ACSS1: variants seen among roughly 807,000 people sequenced by gnomAD.
ACSS1 encodes the protein acyl-CoA synthetase short chain family member 1.
ACSS1 carries 42 observed loss-of-function variants against 75.3 expected under a neutral mutation model. That is an observed-to-expected ratio of 0.56 (90% CI 0.44 to 0.72). ACSS1 has a LOEUF of 0.72. ACSS1 is among the 30% of genes least tolerant of loss of function. The pLI is 0.00. For synonymous variants in ACSS1, 380 were observed against 376.8 expected (o/e 1.01, Z -0.10); for missense variants, 782 against 935.7 (o/e 0.84, Z 2.14).
At chr20:25,049,933 T>G (rs2089153346) in intron 1 of ACSS1, among the ~76,000 whole-genome samples, 2 of 151,642 alleles carry the variant, frequency 1.3e-5, no homozygotes, top group Admixed American at 1.3e-4. Flanking sequence ...GCTTTGCCGG[T>G]AGTGGGGGAA....
At chr20:25,037,446 G>A (rs868297755) in intron 2 of ACSS1, among the ~76,000 whole-genome samples, 3 of 152,158 alleles carry the variant, frequency 2.0e-5, no homozygotes, top group Non-Finnish European at 1.5e-5. Context: ...CTACAGAAAC[G>A]TTTCATTTTC....
chr20:25,046,886 A>G, intron 2 of ACSS1: 1 of 779,632 alleles, frequency 1.3e-6, no homozygotes, highest in Admixed American at 1.7e-5. Flanking sequence ...GAGATAAGAA[A>G]TGCGTGCTGT....
intron 2 of ACSS1, among the ~76,000 whole-genome samples, chr20:25,031,813 G>A (rs941381526): frequency 2.6e-5 from 4 of 152,138 alleles, no homozygotes; most frequent in South Asian, 2.1e-4. Context: ...CAAAACTTCC[G>A]AAAATGTTTG....
rs745847020 is a variant in ACSS1, at chr20:25,046,823, G to A, written c.431+1262C>T. 38 of 779,650 alleles carry A rather than the reference G, an allele frequency of 4.9e-5. 1 individual carries two copies. The highest frequency in any genetic ancestry group is 7.9e-5 in the Non-Finnish European group (33 of 417,988). 48.3% of individuals were successfully genotyped at this position (779,650 alleles called of 1,614,324 possible). On this transcript the variant is annotated intron_variant, in intron 2 of 13. Coordinates refer to ENST00000323482, the MANE Select transcript of ACSS1 (RefSeq NM_032501.4). The stretch of plus-strand genomic sequence containing the variant: ...GTCCAGTGGGGCCCGAGGATCCAGG[G>A]CAGAAGAATGCTGCTGGCCTATGGG...
At chr20:25,052,464 AT>A (rs2089188361) in intron 1 of ACSS1, among the ~76,000 whole-genome samples, 1 of 152,222 alleles carries the variant, frequency 6.6e-6, no homozygotes, top group South Asian at 2.1e-4. Flanking sequence ...GGTGGTCCCC[AT>A]TACAGGGCAC....
intron 7 of ACSS1, 110 bp downstream of exon 7, chr20:25,019,900 C>T: frequency 1.3e-6 from 2 of 1,496,666 alleles, no homozygotes; most frequent in Non-Finnish European, 9.0e-7. Flanking sequence ...TGCGTGAATT[C>T]ACACATACAA....
At position 25,034,499 on chromosome 20, in the gene ACSS1, C is replaced by A. The variant is rs374464696; in HGVS notation, c.432-3541G>T. On this transcript the variant is annotated intron_variant, in intron 2 of 13. Transcript: ENST00000323482. ...AGACACCCCCAGACTTCCAAATGGA[C>A]CCCCACATTCTCATGGTGCCTGCCC... 2.8e-4 allele frequency among the ~76,000 whole-genome samples: 42 copies of A among 152,262 alleles called. No homozygotes were observed. The East Asian group carries it at 7.0e-3, about 25-fold the overall frequency.
intron 11 of ACSS1, 45 bp downstream of exon 11, chr20:25,012,767 T>C (rs753757165): frequency 1.2e-6 from 2 of 1,613,152 alleles, no homozygotes; most frequent in Non-Finnish European, 1.7e-6. Context: ...CACAGGGGCA[T>C]CATGGAGGTG....
rs55775763 is a variant in ACSS1, at chr20:25,031,241, G to A, written c.432-283C>T. ...AGGGTTTTTTTAGGGGAACAGGAGCGTAGGGGAGCCATGGTGACACCATTT... is the reference window on the plus strand; with the variant it reads ...AGGGTTTTTTTAGGGGAACAGGAGCATAGGGGAGCCATGGTGACACCATTT... On this transcript the variant is annotated intron_variant, in intron 2 of 13. Transcript: ENST00000323482. 2.7e-3 allele frequency: 1,285 copies of A among 482,576 alleles called. 2 individuals carry two copies. Among genetic ancestry groups the A allele is most frequent in the Non-Finnish European group, 3.7e-3 (975 of 263,880 alleles). The allele number at this position is 482,576 out of a possible 1,614,324, so 29.9% of individuals were successfully genotyped here.
intron 2 of ACSS1, chr20:25,032,596 C>T: frequency 8.1e-7 from 1 of 1,236,882 alleles, no homozygotes; most frequent in Non-Finnish European, 1.0e-6. Context: ...CAGCCCGCGA[C>T]CCCTGCCCTC....
intron 1 of ACSS1, among the ~76,000 whole-genome samples, chr20:25,053,230 A>ATTTT (rs376414199): frequency 3.7e-5 from 5 of 133,432 alleles, no homozygotes. Flanking sequence ...CGCTCGGCTA[A>ATTTT]TTTTTTTTTT....
At chr20:25,028,590 A>G (rs1410444291) in intron 3 of ACSS1, among the ~76,000 whole-genome samples, 1 of 152,232 alleles carries the variant, frequency 6.6e-6, no homozygotes, top group Admixed American at 6.5e-5. Flanking sequence ...CTGGACCCTT[A>G]CCTCACACCC....
At chr20:25,039,575 T>C (rs2088969695) in intron 2 of ACSS1, among the ~76,000 whole-genome samples, 1 of 152,192 alleles carries the variant, frequency 6.6e-6, no homozygotes, top group East Asian at 1.9e-4. Flanking sequence ...GGGTGTGGAA[T>C]GGCGTTTTCC....
Position 25,015,176 on chromosome 20 carries a change from TC to T in ACSS1, c.1300del (p.Asp434ThrfsTer37). The T allele has an allele frequency of 6.2e-7, 1 of 1,613,038 alleles. No homozygotes were observed. Among genetic ancestry groups the T allele is most frequent in the Non-Finnish European group, 8.5e-7 (1 of 1,179,314 alleles). ...GGTGTCCACCAGCGTGCACCTGCTGTCCCCCACCACCCTGTGAAGCCACTCC... is the reference window on the plus strand; with the variant it reads ...GGTGTCCACCAGCGTGCACCTGCTGTCCCCACCACCCTGTGAAGCCACTCC... Reference protein sequence around the residue: ...AWEWLHRVVGDSRCTLVDTWW... With the variant: ...AWEWLHRVVGXSRCTLVDTWW... On this transcript the variant is annotated frameshift_variant, in exon 8 of 14. Transcript: ENST00000323482. LOFTEE classifies it high-confidence loss of function.
intron 12 of ACSS1, chr20:25,010,453 G>T (rs2088387090): frequency 6.6e-6 from 1 of 152,264 alleles, no homozygotes; most frequent in South Asian, 2.1e-4. Context: ...TTCTGAACAA[G>T]CTATGATCTG....
intron 2 of ACSS1, among the ~76,000 whole-genome samples, chr20:25,044,649 C>T (rs571582113): frequency 7.9e-4 from 120 of 152,316 alleles, no homozygotes; most frequent in African/African-American, 2.4e-3. Flanking sequence ...AAAATGGGCA[C>T]CTGCTGGAGA....
intron 1 of ACSS1, among the ~76,000 whole-genome samples, chr20:25,055,526 C>T (rs939094935): frequency 2.0e-5 from 3 of 152,336 alleles, no homozygotes; most frequent in East Asian, 1.9e-4. Flanking sequence ...TGGTTTGAGG[C>T]GTACAGGCCA....
Position 25,012,575 on chromosome 20 carries a change from G to C in ACSS1, c.1771+26C>G, listed in dbSNP as rs201852617. 3.3e-5 allele frequency: 53 copies of C among 1,613,940 alleles called. 1 individual carries two copies. The East Asian group carries it at 1.1e-3, about 33-fold the overall frequency. On this transcript the variant is annotated intron_variant, in intron 12 of 13. Coordinates refer to ENST00000323482, the MANE Select transcript of ACSS1 (RefSeq NM_032501.4). ...AATGGGTGTGGGGTCAGGAATCAGG[G>C]AGGAGCTCATCTCCAGGACACTCAC...
chr20:25,018,991 GC>G (rs774358701), intron 7 of ACSS1, among the ~76,000 whole-genome samples: 12 of 152,214 alleles, frequency 7.9e-5, no homozygotes, highest in Admixed American at 1.3e-4. Context: ...GCAGGGCACA[GC>G]CCCAGCTGCT....
Sources: allele counts gnomAD v4.1 joint callset (sites outside exome capture counted in the v4.1 genomes callset), GRCh38; gene constraint gnomAD v4.1.1; transcripts MANE v1.5; gene names NCBI Gene and HGNC (gene_info 2026-07-23, HGNC 2026-07-21).